Variants in HDLBP observed in about 807,000 individuals in gnomAD.
HDLBP encodes high density lipoprotein binding protein, also known as vigilin.
Under a neutral mutation model 137.3 loss-of-function variants are expected in HDLBP, and 30 were observed. That is an observed-to-expected ratio of 0.22 (90% CI 0.16 to 0.30). The LOEUF (loss-of-function observed/expected upper bound fraction) is 0.30, where lower values mean the gene tolerates loss of function less well. Ranked by LOEUF, HDLBP falls within the 10% of genes least tolerant of loss-of-function variation. The pLI is 1.00. For missense variants in HDLBP, 1,119 were observed against 1,667.3 expected, an observed-to-expected ratio of 0.67 and a Z score of 5.73; for synonymous variants, 606 against 596.0, an observed-to-expected ratio of 1.02 and a Z score of -0.24.
intron 15 of HDLBP, 58 bp downstream of exon 15, chr2:241,246,998 G>A (rs1384627436): frequency 1.4e-5 from 22 of 1,561,684 alleles, no homozygotes; most frequent in Middle Eastern, 1.7e-4. Flanking sequence ...AACCAAAATG[G>A]TGCAGGGCTA....
intron 14 of HDLBP, among the ~76,000 whole-genome samples, chr2:241,247,620 G>A (rs371063756): frequency 6.6e-6 from 1 of 152,158 alleles, no homozygotes; most frequent in Non-Finnish European, 1.5e-5. Context: ...CTGTTCCCAC[G>A]TCAGTTTTTG....
intron 1 of HDLBP, among the ~76,000 whole-genome samples, chr2:241,288,073 A>G (rs1254488599): frequency 1.3e-5 from 2 of 152,228 alleles, no homozygotes; most frequent in Admixed American, 6.5e-5. Context: ...GCTCTGTATT[A>G]TATGAGGCTC....
At chr2:241,284,370 G>GA (rs1178270954) in intron 1 of HDLBP, among the ~76,000 whole-genome samples, 16 of 152,210 alleles carry the variant, frequency 1.1e-4, no homozygotes, top group Non-Finnish European at 2.4e-4. Context: ...GAAACAGCAA[G>GA]AGAACTAGAA....
At chr2:241,241,878 C>T (rs2071273428) in intron 17 of HDLBP, among the ~76,000 whole-genome samples, 1 of 152,188 alleles carries the variant, frequency 6.6e-6, no homozygotes, top group African/African-American at 2.4e-5. Context: ...TGTCAATCCT[C>T]GCCAGTCTCA....
At position 241,288,832 on chromosome 2, in the gene HDLBP, G is replaced by T. The variant is rs538151525; in HGVS notation, c.-102-20291C>A. 2.6e-5 allele frequency among the ~76,000 whole-genome samples: 4 copies of T among 152,322 alleles called. No homozygotes were observed. In the East Asian group the frequency reaches 7.7e-4, roughly 29 times the overall value. On this transcript the variant is annotated intron_variant, in intron 1 of 27. Transcript: ENST00000310931. ...GGGGATGGGAACAGAATGGCTGTAG[G>T]AAGGGCCATTCCCCTTTAGTCCTGC...
At chr2:241,235,622 C>G in intron 21 of HDLBP, 28 bp from the exon 22 acceptor site, 1 of 1,528,122 alleles carries the variant, frequency 6.5e-7, no homozygotes, top group Non-Finnish European at 9.1e-7. Context: ...ATGGTTAGGC[C>G]GTGGGAGCTG....
At chr2:241,253,159 T>G in intron 10 of HDLBP, 124 bp from the exon 11 acceptor site, 5 of 694,088 alleles carry the variant, frequency 7.2e-6, no homozygotes, top group Middle Eastern at 5.1e-4. Flanking sequence ...TGTTGGAGAC[T>G]GCCCCTGCAT....
In HDLBP at chr2:241,272,754, C is replaced by T; in HGVS notation, c.-102-4213G>A. 1 of 347,254 alleles carries T rather than the reference C, an allele frequency of 2.9e-6. No individual in the cohort carries two copies. Among genetic ancestry groups the T allele is most frequent in the Non-Finnish European group, 4.0e-6 (1 of 250,958 alleles). 21.5% of individuals were successfully genotyped at this position (347,254 alleles called of 1,614,324 possible). On this transcript the variant is annotated intron_variant, in intron 1 of 27. Transcript: ENST00000310931. This position sits in a 1 kb window ranked among gnomAD's most constrained non-coding sequence, Gnocchi z 5.6. ...CCAGGCCTCCCAGCCCCGTGTTGCG[C>T]GCTCACTCGTGGGCCCCCGCCCGCT...
chr2:241,230,760 T>A lies in HDLBP; in HGVS notation c.3473A>T (p.Lys1158Met). The A allele has an allele frequency of 6.2e-7, 1 of 1,613,726 alleles. No homozygotes were observed. The highest frequency in any genetic ancestry group is 8.5e-7 in the Non-Finnish European group (1 of 1,179,594). The change falls in exon 25 of 28, where the codon AAG (lysine) becomes ATG (methionine). Residue 1158 changes from lysine to methionine, a missense_variant and splice_region_variant. By Grantham distance (95) the Lys-to-Met change is moderately conservative (BLOSUM62 -1). Around this residue, in one of 4 missense-constraint regions of HDLBP, gnomAD observed 618 missense variants for 816.7 expected, o/e 0.76. Transcript: ENST00000310931. This position sits in a 1 kb window ranked among gnomAD's most constrained non-coding sequence, Gnocchi z 5.0. ...KAIRKIMDEF[K>M]VDIRFPQSGA... ...CCACTGTGCTTCCAGCCGGCTCACC[T>A]TGAATTCGTCCATGATTTTGCGAAT...
chr2:241,284,230 T>C (rs989218656), intron 1 of HDLBP, among the ~76,000 whole-genome samples: 2 of 152,224 alleles, frequency 1.3e-5, no homozygotes, highest in African/African-American at 2.4e-5. Flanking sequence ...ACAGCTGCCA[T>C]AGATAGTTAT....
At chr2:241,236,581 G>T in intron 21 of HDLBP, 34 bp downstream of exon 21, 1 of 1,609,776 alleles carries the variant, frequency 6.2e-7, no homozygotes, top group South Asian at 1.1e-5. Flanking sequence ...ACTGGGCCTT[G>T]GCGGGGGGTG....
chr2:241,248,407 TGACACAA>T, intron 12 of HDLBP, 59 bp from the exon 13 acceptor site: 2 of 1,328,136 alleles, frequency 1.5e-6, no homozygotes, highest in Middle Eastern at 1.8e-4. Context: ...AACTCCCCAC[TGACACAA>T]GGGGACACCA....
At chr2:241,253,125 T>C in intron 10 of HDLBP, 90 bp from the exon 11 acceptor site, 1 of 871,068 alleles carries the variant, frequency 1.1e-6, no homozygotes. Context: ...GGTTGCCTTT[T>C]CTGACCACTC....
At chr2:241,257,270 G>A (rs1263869921) in intron 5 of HDLBP, among the ~76,000 whole-genome samples, 3 of 151,978 alleles carry the variant, frequency 2.0e-5, no homozygotes, top group Non-Finnish European at 4.4e-5. Context: ...GTCTCGCTCT[G>A]ACGTCAGGCT....
At chr2:241,287,944 G>C (rs72484048) in intron 1 of HDLBP, among the ~76,000 whole-genome samples, 46,431 of 152,050 alleles carry the variant, frequency 0.31, 8,103 homozygotes, top group East Asian at 0.51. Context: ...AAGACGGGAG[G>C]GAAGACCATG....
chr2:241,230,061 A>C lies in HDLBP; in HGVS notation c.3591+92T>G. The C allele has an allele frequency of 2.5e-6, 4 of 1,583,748 alleles. No homozygotes were observed. The highest frequency in any genetic ancestry group is 3.5e-6 in the Non-Finnish European group (4 of 1,159,340). On this transcript the variant is annotated intron_variant, in intron 26 of 27. Coordinates refer to ENST00000310931, the MANE Select transcript of HDLBP (RefSeq NM_005336.6). The surrounding 1 kb of genome is among the most constrained non-coding windows in gnomAD (Gnocchi z 5.0). ...CACCTCGCCTGCCTCTGGAAACACA[A>C]GTGCCACCTTGTCCCCTGAAGCTCC...
intron 1 of HDLBP, among the ~76,000 whole-genome samples, chr2:241,298,127 A>T (rs938644029): frequency 3.7e-5 from 5 of 135,496 alleles, no homozygotes; most frequent in Non-Finnish European, 7.7e-5. Context: ...GCACTTTGGG[A>T]GGCAGAAGCA....
chr2:241,312,352 G>C (rs964726503), intron 1 of HDLBP, among the ~76,000 whole-genome samples: 1 of 152,128 alleles, frequency 6.6e-6, no homozygotes, highest in Non-Finnish European at 1.5e-5. Context: ...GCCTACTAGG[G>C]ATTTCACTTC....
chr2:241,292,816 A>G (rs1335675028), intron 1 of HDLBP, among the ~76,000 whole-genome samples: 1 of 152,146 alleles, frequency 6.6e-6, no homozygotes, highest in Non-Finnish European at 1.5e-5. Context: ...CAAGGTTTAA[A>G]AAAGGAAAAG....
Sources: allele counts gnomAD v4.1 joint callset (sites outside exome capture counted in the v4.1 genomes callset), GRCh38; gene constraint gnomAD v4.1.1; regional missense constraint gnomAD v4.1.1; non-coding constraint Gnocchi (gnomAD v3.1); transcripts MANE v1.5; gene names NCBI Gene and HGNC (gene_info 2026-07-23, HGNC 2026-07-21).